ZNF532: variants seen among roughly 807,000 people sequenced by gnomAD.
ZNF532 encodes zinc finger protein 532.
ZNF532 carries 22 observed loss-of-function variants against 89.3 expected under a neutral mutation model. The observed-to-expected ratio is 0.25, with a 90% CI of 0.18 to 0.35. ZNF532 has a LOEUF of 0.35. Among genes scored for constraint, ZNF532 ranks in the 10% least tolerant of loss-of-function variants. The pLI, the probability that ZNF532 is intolerant of heterozygous loss-of-function variation, is 1.00. For missense variants in ZNF532, 1,132 were observed against 1,643.4 expected (o/e 0.69, Z 5.38); for synonymous variants, 606 against 649.6 (o/e 0.93, Z 1.02).
Position 58,939,636 on chromosome 18 carries a change from CT to C in ZNF532, c.2705+18del, listed in dbSNP as rs1301018869. The C allele has an allele frequency of 6.2e-7, 1 of 1,603,870 alleles. No homozygotes were observed. The highest frequency in any genetic ancestry group is 1.7e-5 in the Admixed American group (1 of 57,918). ...GGAGAACCAAAGTAAGTCATACCGA[CT>C]TTCAAGTTTTACTCCACTGCTTTAT... On this transcript the variant is annotated intron_variant, in intron 5 of 9. Transcript: ENST00000591808.
At chr18:58,928,926 C>G (rs1203031780) in intron 3 of ZNF532, among the ~76,000 whole-genome samples, 2 of 152,194 alleles carry the variant, frequency 1.3e-5, no homozygotes, top group African/African-American at 4.8e-5. Context: ...TGCTTCACCT[C>G]CTCTTAAAAC....
At chr18:58,943,455 C>T (rs1254083261) in intron 5 of ZNF532, among the ~76,000 whole-genome samples, 2 of 147,588 alleles carry the variant, frequency 1.4e-5, no homozygotes, top group Non-Finnish European at 3.0e-5. Flanking sequence ...CCACCGCGCC[C>T]AGCCTTTTTT....
intron 5 of ZNF532, among the ~76,000 whole-genome samples, chr18:58,941,215 T>C (rs1489490016): frequency 6.6e-6 from 1 of 152,116 alleles, no homozygotes; most frequent in African/African-American, 2.4e-5. Context: ...AATTTTAGTG[T>C]CTTCAGTTTT....
intron 2 of ZNF532, among the ~76,000 whole-genome samples, chr18:58,891,220 C>G (rs1284597622): frequency 6.6e-6 from 1 of 152,042 alleles, no homozygotes; most frequent in Non-Finnish European, 1.5e-5. Flanking sequence ...CGCCCGGCCT[C>G]TCTCTTTCCT....
intron 2 of ZNF532, among the ~76,000 whole-genome samples, chr18:58,895,682 C>A (rs571466969): frequency 6.6e-6 from 1 of 152,116 alleles, no homozygotes; most frequent in Non-Finnish European, 1.5e-5. Context: ...GGATCTAAGT[C>A]ACAGAAATGG....
At chr18:58,939,733 C>A in intron 5 of ZNF532, 112 bp downstream of exon 5, 1 of 1,005,404 alleles carries the variant, frequency 9.9e-7, no homozygotes, top group Non-Finnish European at 1.4e-6. Context: ...AATTATGCAG[C>A]TATGCCAATT....
chr18:58,874,069 G>A (rs954898129), intron 2 of ZNF532, among the ~76,000 whole-genome samples: 1 of 152,134 alleles, frequency 6.6e-6, no homozygotes, highest in Non-Finnish European at 1.5e-5. Flanking sequence ...TCTCTGTTTT[G>A]GGAGAGTAGC....
chr18:58,895,252 G>T (rs1360113287), intron 2 of ZNF532, among the ~76,000 whole-genome samples: 2 of 152,190 alleles, frequency 1.3e-5, no homozygotes, highest in Non-Finnish European at 2.9e-5. Flanking sequence ...TCTGTCTCAC[G>T]TTTGGCTGCA....
upstream of ZNF532, chr18:58,864,570 G>C (rs1327475073): frequency 6.7e-6 from 1 of 150,166 alleles, no homozygotes; most frequent in Non-Finnish European, 1.5e-5. Context: ...CAGTGTCTGC[G>C]GTGGGCTGTG....
At chr18:58,867,223 A>G (rs1045776583) in intron 2 of ZNF532, among the ~76,000 whole-genome samples, 1 of 151,688 alleles carries the variant, frequency 6.6e-6, no homozygotes, top group African/African-American at 2.4e-5. Flanking sequence ...CAGTGCGAAT[A>G]TGTTTTAAAA....
intron 2 of ZNF532, among the ~76,000 whole-genome samples, chr18:58,904,967 G>A (rs1160732993): frequency 2.0e-5 from 3 of 150,850 alleles, no homozygotes; most frequent in Non-Finnish European, 2.9e-5. Context: ...TCAGCCTCCC[G>A]AGTAGCTGAG....
At chr18:58,972,977 G>GT (rs2066628155) in intron 7 of ZNF532, among the ~76,000 whole-genome samples, 1 of 152,160 alleles carries the variant, frequency 6.6e-6, no homozygotes, top group African/African-American at 2.4e-5. Context: ...GGAGCTTATG[G>GT]GGGAGGGAAA....
rs200771155 is a variant in ZNF532 at position 58,919,258 on chromosome 18, C to A, written c.971C>A (p.Thr324Asn). 1 of 1,613,920 alleles carries A rather than the reference C, an allele frequency of 6.2e-7. No homozygotes were observed. Among genetic ancestry groups the A allele is most frequent in the African/African-American group, 1.3e-5 (1 of 74,882 alleles). The change falls in exon 3 of 10, where the codon ACC becomes AAC. Residue 324 changes from threonine (T) to asparagine (N), a missense_variant. Physicochemically the swap from Thr to Asn is moderately conservative, Grantham distance 65 (BLOSUM62 0). This residue lies in a region of ZNF532 where 124 missense variants were observed against 191.6 expected (regional missense o/e 0.65). Transcript: ENST00000591808. This position sits in a 1 kb window ranked among gnomAD's most constrained non-coding sequence, Gnocchi z 6.1. ...GAATCCCAGAATCTCATCGACGGGA[C>A]CAAAAAACCATCCCTGAAGCAACCG... ...SPESQNLIDG[T>N]KKPSLKQPDS...
At chr18:58,887,177 C>T (rs952191720) in intron 2 of ZNF532, among the ~76,000 whole-genome samples, 3 of 152,242 alleles carry the variant, frequency 2.0e-5, no homozygotes, top group Non-Finnish European at 4.4e-5. Context: ...TGCGTAGGGG[C>T]CCGAGGGGCC....
At chr18:58,973,495 C>G (rs751458720) in intron 7 of ZNF532, among the ~76,000 whole-genome samples, 1 of 152,296 alleles carries the variant, frequency 6.6e-6, no homozygotes, top group East Asian at 1.9e-4. Context: ...AATGACTGAA[C>G]TAAATGAAGT....
chr18:58,976,966 A>T (rs1465745638), intron 7 of ZNF532, among the ~76,000 whole-genome samples: 1 of 152,256 alleles, frequency 6.6e-6, no homozygotes, highest in Non-Finnish European at 1.5e-5. Context: ...TGCTGCATAA[A>T]TGCTAATCCA....
intron 6 of ZNF532, among the ~76,000 whole-genome samples, chr18:58,952,284 T>C (rs914498997): frequency 6.6e-6 from 1 of 152,196 alleles, no homozygotes; most frequent in African/African-American, 2.4e-5. Flanking sequence ...ATTCAGGAAT[T>C]CATGGTTTAA....
chr18:58,891,140 C>T (rs748577232), intron 2 of ZNF532, among the ~76,000 whole-genome samples: 6 of 152,150 alleles, frequency 3.9e-5, no homozygotes, highest in Admixed American at 6.5e-5. Flanking sequence ...AGGATGGTCT[C>T]GATCCCTTGA....
chr18:58,886,181 A>G (rs1385050526), intron 2 of ZNF532, among the ~76,000 whole-genome samples: 1 of 152,042 alleles, frequency 6.6e-6, no homozygotes, highest in African/African-American at 2.4e-5. Flanking sequence ...GGGTTTCACC[A>G]CATTGGCCAG....
Sources: gnomAD v4.1 joint callset for allele counts (sites outside exome capture counted in the v4.1 genomes callset) on GRCh38, gnomAD v4.1.1 for gene constraint, gnomAD v4.1.1 regional missense constraint, Gnocchi (gnomAD v3.1) non-coding constraint, MANE v1.5 for transcripts, NCBI Gene and HGNC (gene_info 2026-07-23, HGNC 2026-07-21) for gene names.